The following FSAF1 variants were observed in gnomAD, a reference collection of about 807,000 sequenced individuals.
FSAF1 encodes the protein uncharacterized protein C1orf131.
At chr1:231,240,594 G>A in the FSAF1 span, among the ~76,000 whole-genome samples, 1 of 152,056 alleles carries the variant, frequency 6.6e-6, no homozygotes, top group African/African-American at 2.4e-5. The surrounding 1 kb of genome is among the most constrained non-coding windows in gnomAD (Gnocchi z 4.1). Context: ...CTCTGGAGAG[G>A]GACACACAAG....
At chr1:231,224,637 G>C in the FSAF1 span, 2 of 488,862 alleles carry the variant, frequency 4.1e-6, no homozygotes. Flanking sequence ...TCTGCTACCA[G>C]CTCTTTCCAG....
the FSAF1 span, chr1:231,238,883 T>A: frequency 1.8e-5 from 29 of 1,613,490 alleles, no homozygotes; most frequent in Non-Finnish European, 2.5e-5. Flanking sequence ...TGATCTGGCG[T>A]CAATTTTCTT....
At chr1:231,229,124 T>A in the FSAF1 span, 6 of 1,345,040 alleles carry the variant, frequency 4.5e-6, no homozygotes, top group South Asian at 8.3e-5. Flanking sequence ...TAATTATAAA[T>A]AATTTAACAA....
the FSAF1 span, among the ~76,000 whole-genome samples, chr1:231,233,144 AGAATTT>A: frequency 6.6e-6 from 1 of 152,212 alleles, no homozygotes; most frequent in Non-Finnish European, 1.5e-5. Context: ...GAGAGCTGCA[AGAATTT>A]GGGGAACGAT....
chr1:231,233,976 T>C, the FSAF1 span, among the ~76,000 whole-genome samples: 8 of 152,206 alleles, frequency 5.3e-5, no homozygotes, highest in Admixed American at 2.0e-4. Context: ...ATTGCAGATA[T>C]GGGGCTGTGA....
At chr1:231,238,781 A>C in the FSAF1 span, 2 of 1,370,830 alleles carry the variant, frequency 1.5e-6, no homozygotes, top group Admixed American at 2.2e-5. Flanking sequence ...TTCCTGCCAC[A>C]GTCTAAAGAG....
the FSAF1 span, chr1:231,226,840 C>A: frequency 3.8e-6 from 6 of 1,595,374 alleles, no homozygotes; most frequent in Admixed American, 1.0e-4. Context: ...AATGAAAGAA[C>A]AAAGAAACAA....
At chr1:231,229,058 A>G in the FSAF1 span, 2 of 774,588 alleles carry the variant, frequency 2.6e-6, no homozygotes, top group South Asian at 4.2e-5. Flanking sequence ...TATGTTATAA[A>G]CTTATAATAA....
the FSAF1 span, among the ~76,000 whole-genome samples, chr1:231,234,066 G>A: frequency 6.6e-6 from 1 of 152,108 alleles, no homozygotes; most frequent in Non-Finnish European, 1.5e-5. The surrounding 1 kb of genome is among the most constrained non-coding windows in gnomAD (Gnocchi z 4.0). Context: ...CAGGTGCCAG[G>A]AATTGTGAGG....
the FSAF1 span, among the ~76,000 whole-genome samples, chr1:231,233,536 A>G: frequency 1.3e-5 from 2 of 152,186 alleles, no homozygotes; most frequent in Non-Finnish European, 2.9e-5. Flanking sequence ...ATGAATATTC[A>G]CACCAAATGA....
At chr1:231,228,956 T>C in the FSAF1 span, among the ~76,000 whole-genome samples, 7 of 152,210 alleles carry the variant, frequency 4.6e-5, no homozygotes, top group Non-Finnish European at 7.3e-5. Context: ...GCCATTGCAC[T>C]CAAGCCTGGG....
chr1:231,229,933 A>G, the FSAF1 span, among the ~76,000 whole-genome samples: 3 of 152,318 alleles, frequency 2.0e-5, no homozygotes, highest in South Asian at 6.2e-4. Context: ...TGAGGGTGGC[A>G]CAACACCATG....
At chr1:231,233,734 G>C in the FSAF1 span, among the ~76,000 whole-genome samples, 1 of 152,124 alleles carries the variant, frequency 6.6e-6, no homozygotes, top group African/African-American at 2.4e-5. Flanking sequence ...TGTATTTTTA[G>C]TAAAGACAGG....
At chr1:231,224,404 T>C in the FSAF1 span, 5 of 1,602,666 alleles carry the variant, frequency 3.1e-6, no homozygotes, top group Non-Finnish European at 4.2e-6. Context: ...GCGGACTTCT[T>C]TTTGGATTTC....
the FSAF1 span, chr1:231,223,777 AT>A: frequency 6.6e-6 from 1 of 152,430 alleles, no homozygotes; most frequent in Admixed American, 6.5e-5. Flanking sequence ...CTACAAACCT[AT>A]TTTATTTATA....
chr1:231,224,338 T>C, the FSAF1 span: 11 of 1,613,826 alleles, frequency 6.8e-6, no homozygotes, highest in Non-Finnish European at 9.3e-6. Context: ...AGAATCAGTG[T>C]TCCATTTTTG....
the FSAF1 span, among the ~76,000 whole-genome samples, chr1:231,234,922 T>C: frequency 1.3e-5 from 2 of 152,182 alleles, no homozygotes; most frequent in East Asian, 3.9e-4. The surrounding 1 kb of genome is among the most constrained non-coding windows in gnomAD (Gnocchi z 4.0). Flanking sequence ...AGCATTAGCC[T>C]GAATGTTACC....
At chr1:231,227,058 T>A in the FSAF1 span, 1 of 1,614,164 alleles carries the variant, frequency 6.2e-7, no homozygotes, top group Non-Finnish European at 8.5e-7. Flanking sequence ...CCGGTGCACT[T>A]CTAAACGAGC....
chr1:231,230,523 C>G, the FSAF1 span, among the ~76,000 whole-genome samples: 1 of 152,186 alleles, frequency 6.6e-6, no homozygotes, highest in South Asian at 2.1e-4. Context: ...CCCTACCTGC[C>G]AAGAGGTGCC....
Sources: allele counts gnomAD v4.1 joint callset (sites outside exome capture counted in the v4.1 genomes callset), GRCh38; gene constraint gnomAD v4.1.1; non-coding constraint Gnocchi (gnomAD v3.1); transcripts MANE v1.5; gene names NCBI Gene and HGNC (gene_info 2026-07-23, HGNC 2026-07-21).